Variants in EYS observed in about 807,000 individuals in gnomAD.
EYS encodes the protein protein eyes shut homolog.
EYS carries 250 observed loss-of-function variants against 282.1 expected under a neutral mutation model. That is an observed-to-expected ratio of 0.89 (90% CI 0.80 to 0.98). The LOEUF is 0.98. Ranked by LOEUF, EYS falls within the 50% of genes least tolerant of loss-of-function variation. The pLI, the probability that EYS is intolerant of heterozygous loss-of-function variation, is 0.00. For missense variants in EYS, 4,016 were observed against 3,709.0 expected (o/e 1.08, Z -2.15); for synonymous variants, 1,355 against 1,282.9 (o/e 1.06, Z -1.20).
intron 14 of EYS, among the ~76,000 whole-genome samples, chr6:64,983,117 A>C (rs761478171): frequency 2.6e-5 from 4 of 151,292 alleles, no homozygotes; most frequent in Non-Finnish European, 5.9e-5. Context: ...TTTTAAAAAG[A>C]TAAAGCGTTC....
intron 31 of EYS, among the ~76,000 whole-genome samples, chr6:64,092,893 C>T (rs1488615627): frequency 4.4e-4 from 67 of 151,642 alleles, no homozygotes; most frequent in African/African-American, 1.5e-3. Context: ...TTAGGTCTAA[C>T]ATTTAAGTCT....
intron 33 of EYS, among the ~76,000 whole-genome samples, chr6:64,019,839 TGTATATATAA>T (rs1714833819): frequency 7.9e-6 from 1 of 126,448 alleles, no homozygotes; most frequent in African/African-American, 3.5e-5. Context: ...TATATATATA[TGTATATATAA>T]GTATATATAT....
chr6:64,087,845 T>C (rs927631711), intron 31 of EYS, among the ~76,000 whole-genome samples: 1 of 152,074 alleles, frequency 6.6e-6, no homozygotes, highest in Non-Finnish European at 1.5e-5. Flanking sequence ...AATTATTTGG[T>C]TTTATAATTA....
intron 7 of EYS, among the ~76,000 whole-genome samples, chr6:65,396,680 G>A (rs1192987768): frequency 6.6e-6 from 1 of 151,926 alleles, no homozygotes; most frequent in Admixed American, 6.6e-5. Flanking sequence ...ATCCATGTTC[G>A]CTAACTTCAA....
chr6:63,820,865 G>A (rs572756650), intron 36 of EYS, among the ~76,000 whole-genome samples: 9 of 152,186 alleles, frequency 5.9e-5, no homozygotes, highest in African/African-American at 2.2e-4. Context: ...CTGATACCTA[G>A]CAAGGCAAGG....
intron 7 of EYS, among the ~76,000 whole-genome samples, chr6:65,397,823 A>T (rs1766344881): frequency 6.6e-6 from 1 of 152,134 alleles, no homozygotes; most frequent in Admixed American, 6.6e-5. Context: ...GCTCTTTGAG[A>T]AATCTTCATA....
intron 22 of EYS, among the ~76,000 whole-genome samples, chr6:64,683,727 T>C (rs951219639): frequency 2.0e-5 from 3 of 152,144 alleles, no homozygotes; most frequent in Non-Finnish European, 4.4e-5. Flanking sequence ...TAATACAAAG[T>C]CAAAATTGCA....
At position 64,850,215 on chromosome 6, in the gene EYS, T is replaced by C. The variant is rs545661909; in HGVS notation, c.2993-27393A>G. Among the ~76,000 whole-genome samples, 156 of 152,260 alleles carry C rather than the reference T, an allele frequency of 1.0e-3. 1 individual carries two copies. Among genetic ancestry groups the C allele is most frequent in the African/African-American group, 3.5e-3 (144 of 41,566 alleles). ...CCCTCATGGATGCATATTTTATTTA[T>C]AAACAAGAATGTATGTTAGCACATT... On this transcript the variant is annotated intron_variant, in intron 19 of 42. Transcript: ENST00000503581.
At chr6:64,662,147 A>G (rs1214934468) in intron 22 of EYS, among the ~76,000 whole-genome samples, 3 of 148,186 alleles carry the variant, frequency 2.0e-5, no homozygotes, top group African/African-American at 7.5e-5. Context: ...AAAACCAAAC[A>G]CCACATGTTC....
intron 2 of EYS, among the ~76,000 whole-genome samples, chr6:65,616,927 T>C (rs1766221016): frequency 2.0e-5 from 3 of 152,226 alleles, no homozygotes; most frequent in African/African-American, 4.8e-5. Context: ...TTTAAAAATG[T>C]TATTATTTCC....
intron 33 of EYS, among the ~76,000 whole-genome samples, chr6:64,029,758 C>T (rs898250870): frequency 1.3e-4 from 20 of 152,312 alleles, no homozygotes; most frequent in Admixed American, 4.6e-4. Context: ...AAGCCTCTTC[C>T]CCCAGGGACC....
At chr6:64,864,288 TA>T (rs1275995586) in intron 19 of EYS, among the ~76,000 whole-genome samples, 1 of 151,430 alleles carries the variant, frequency 6.6e-6, no homozygotes, top group Non-Finnish European at 1.5e-5. Context: ...AGATTTATAT[TA>T]AAAGAGAGTT....
Position 64,893,258 on chromosome 6 carries a change from A to G in EYS, c.2847-6416T>C, listed in dbSNP as rs553232656. Among the ~76,000 whole-genome samples the G allele has an allele frequency of 2.0e-5, 3 of 152,208 alleles. No homozygotes were observed. In the South Asian group the frequency reaches 6.2e-4, roughly 32 times the overall value. On this transcript the variant is annotated intron_variant, in intron 18 of 42. Transcript: ENST00000503581. The stretch of plus-strand genomic sequence containing the variant: ...GGGGCTGTCATTCATGTGCCATTAT[A>G]TCTCAGCAAATTCATCTTTAAATCA...
At chr6:64,834,087 G>A (rs912408442) in intron 19 of EYS, among the ~76,000 whole-genome samples, 2 of 151,730 alleles carry the variant, frequency 1.3e-5, no homozygotes, top group African/African-American at 2.4e-5. Flanking sequence ...TGAGTCAATC[G>A]AATGCATTCA....
At chr6:64,040,652 C>T (rs1389742796) in intron 33 of EYS, among the ~76,000 whole-genome samples, 1 of 152,186 alleles carries the variant, frequency 6.6e-6, no homozygotes, top group Non-Finnish European at 1.5e-5. Context: ...GACAAAGAGT[C>T]AAATACAGCA....
intron 28 of EYS, among the ~76,000 whole-genome samples, chr6:64,397,916 T>TTA (rs1773428863): frequency 1.3e-5 from 2 of 152,012 alleles, no homozygotes; most frequent in African/African-American, 4.8e-5. Flanking sequence ...TTTTTCATTA[T>TTA]TATCTGTTCA....
At position 65,335,068 on chromosome 6, in the gene EYS, C is replaced by CA; in HGVS notation, c.1677dup (p.Gly560TrpfsTer10). On this transcript the variant is annotated frameshift_variant, in exon 11 of 43. Transcript: ENST00000503581. LOFTEE classifies it high-confidence loss of function. ...GTTGTATTTTCCAGATACATGTTGC[C>CA]AGCCCATCTGAGAAAACATAGATAC... The CA allele has an allele frequency of 1.2e-6, 2 of 1,611,994 alleles. No homozygotes were observed. The highest frequency in any genetic ancestry group is 2.2e-5 in the South Asian group (2 of 91,048).
chr6:64,900,482 C>T (rs1767619693), intron 18 of EYS, among the ~76,000 whole-genome samples: 1 of 152,086 alleles, frequency 6.6e-6, no homozygotes. Context: ...ATATATCCAT[C>T]TGGGAAATGG....
At chr6:64,404,149 T>A (rs1442823620) in intron 28 of EYS, among the ~76,000 whole-genome samples, 1 of 152,202 alleles carries the variant, frequency 6.6e-6, no homozygotes, top group East Asian at 1.9e-4. Context: ...TTGGGCATTT[T>A]TAGCTCAATC....
Sources: allele counts gnomAD v4.1 joint callset (sites outside exome capture counted in the v4.1 genomes callset), GRCh38; gene constraint gnomAD v4.1.1; transcripts MANE v1.5; gene names NCBI Gene and HGNC (gene_info 2026-07-23, HGNC 2026-07-21).